RHOU: variants seen among roughly 807,000 people sequenced by gnomAD.
The protein encoded by RHOU is ras homolog family member U.
In RHOU, 8 loss-of-function variants were observed where a neutral mutation model predicts 12.6. The ratio of observed to expected loss-of-function variants is 0.64; its 90% CI spans 0.37 to 1.15. RHOU has a LOEUF of 1.15. Ranked by LOEUF, RHOU falls within the 50% of genes most tolerant of loss-of-function variation. The probability of loss-of-function intolerance (pLI) is 0.01; values close to 1 mark genes in which losing one functional copy is unlikely to be tolerated. For missense variants in RHOU, 258 were observed against 347.0 expected, an observed-to-expected ratio of 0.74 and a Z score of 2.04; for synonymous variants, 161 against 147.4, an observed-to-expected ratio of 1.09 and a Z score of -0.67.
the RHOU span, among the ~76,000 whole-genome samples, chr1:228,648,696 C>G: frequency 3.3e-5 from 5 of 152,132 alleles, no homozygotes; most frequent in Non-Finnish European, 5.9e-5. Flanking sequence ...GGCAATTTCA[C>G]ATGCTTTTAC....
the RHOU span, among the ~76,000 whole-genome samples, chr1:228,711,000 A>T: frequency 1.1e-3 from 169 of 152,250 alleles, no homozygotes; most frequent in East Asian, 0.026. Context: ...AATCACAAGC[A>T]TTCTTATACA....
the RHOU span, among the ~76,000 whole-genome samples, chr1:228,678,106 G>A: frequency 6.6e-6 from 1 of 152,100 alleles, no homozygotes; most frequent in Non-Finnish European, 1.5e-5. Context: ...GGAAGAGAGG[G>A]GGCCTGAACA....
chr1:228,706,655 C>T, the RHOU span, among the ~76,000 whole-genome samples: 9 of 152,206 alleles, frequency 5.9e-5, no homozygotes, highest in African/African-American at 2.2e-4. Context: ...CATTATTTTA[C>T]GTGTTTTTTG....
chr1:228,651,842 G>A, the RHOU span, among the ~76,000 whole-genome samples: 5 of 152,186 alleles, frequency 3.3e-5, no homozygotes, highest in Non-Finnish European at 5.9e-5. Context: ...CAGGAAATAA[G>A]CTGATCACCA....
upstream of RHOU, among the ~76,000 whole-genome samples, chr1:228,733,289 C>T (rs143218370): frequency 4.8e-4 from 73 of 152,308 alleles, no homozygotes; most frequent in Non-Finnish European, 9.4e-4. Flanking sequence ...ACCAAACCTT[C>T]TCTAACAATG....
chr1:228,723,685 C>A, the RHOU span, among the ~76,000 whole-genome samples: 727 of 152,348 alleles, frequency 4.8e-3, 8 homozygotes, highest in African/African-American at 0.017. Flanking sequence ...GTCTTTGGAG[C>A]TGCCGTAAAA....
chr1:228,736,121 C>T, intron 1 of RHOU, 117 bp downstream of exon 1: 2 of 1,046,632 alleles, frequency 1.9e-6, no homozygotes, highest in South Asian at 3.4e-5. Context: ...GGGCGCGGCT[C>T]CAGCTGGGAA....
chr1:228,726,029 T>C, the RHOU span, among the ~76,000 whole-genome samples: 1 of 152,206 alleles, frequency 6.6e-6, no homozygotes, highest in African/African-American at 2.4e-5. Context: ...GGAGGAGTTT[T>C]AAAAACTTTT....
At chr1:228,687,764 A>G in the RHOU span, 2 of 1,389,762 alleles carry the variant, frequency 1.4e-6, no homozygotes, top group Admixed American at 3.3e-5. Flanking sequence ...GAGCGCCCGA[A>G]TCTGGCTCGG....
the RHOU span, among the ~76,000 whole-genome samples, chr1:228,674,139 AT>A: frequency 1.3e-5 from 2 of 152,176 alleles, no homozygotes; most frequent in Non-Finnish European, 2.9e-5. Context: ...GTTCCTTTTC[AT>A]GCATGCATTG....
chr1:228,647,277 G>C, the RHOU span, among the ~76,000 whole-genome samples: 1 of 152,176 alleles, frequency 6.6e-6, no homozygotes, highest in Admixed American at 6.5e-5. Context: ...GCACCTCACT[G>C]TGCTCTTGGT....
rs1413587153 is a variant in RHOU, at chr1:228,738,975, T to G, written c.321+1244T>G. On this transcript the variant is annotated intron_variant, in intron 2 of 2. Coordinates refer to ENST00000366691, the MANE Select transcript of RHOU (RefSeq NM_021205.6). This position sits in a 1 kb window ranked among gnomAD's most constrained non-coding sequence, Gnocchi z 4.2. ...CTACAAAATAAAAAAATTAGCCTGG[T>G]GTGGTGGCACTGTCTGTAGTCCCAG... Among the ~76,000 whole-genome samples, 1 of 151,862 alleles carries G rather than the reference T, an allele frequency of 6.6e-6. No individual in the cohort carries two copies. Among genetic ancestry groups the G allele is most frequent in the East Asian group, 1.9e-4 (1 of 5,164 alleles).
At chr1:228,681,172 A>G in the RHOU span, among the ~76,000 whole-genome samples, 4 of 152,200 alleles carry the variant, frequency 2.6e-5, no homozygotes, top group African/African-American at 9.7e-5. Context: ...TTTGGTAGAG[A>G]AAAAGGCACA....
At chr1:228,687,045 G>A in the RHOU span, among the ~76,000 whole-genome samples, 1 of 152,156 alleles carries the variant, frequency 6.6e-6, no homozygotes, top group Non-Finnish European at 1.5e-5. Flanking sequence ...TGGCCGGCAA[G>A]GGAGAATTTA....
chr1:228,680,712 C>T, the RHOU span, among the ~76,000 whole-genome samples: 5 of 152,094 alleles, frequency 3.3e-5, no homozygotes, highest in African/African-American at 1.2e-4. Flanking sequence ...CCCTCTGGGT[C>T]TAGGGCGGTA....
the RHOU span, among the ~76,000 whole-genome samples, chr1:228,709,742 T>G: frequency 6.6e-6 from 1 of 150,628 alleles, no homozygotes; most frequent in Non-Finnish European, 1.5e-5. Context: ...ACATCACAAT[T>G]AAAAGAACTA....
the RHOU span, among the ~76,000 whole-genome samples, chr1:228,704,624 AT>A: frequency 4.6e-3 from 644 of 139,466 alleles, 1 homozygote; most frequent in African/African-American, 8.9e-3. Flanking sequence ...CACTCAGCTA[AT>A]TTTTTTTTTT....
chr1:228,713,017 A>G, the RHOU span, among the ~76,000 whole-genome samples: 1 of 151,390 alleles, frequency 6.6e-6, no homozygotes, highest in Admixed American at 6.6e-5. Flanking sequence ...TTTTTTAACC[A>G]GGAATGGATG....
At chr1:228,742,802 G>C (rs1662751311) in intron 2 of RHOU, among the ~76,000 whole-genome samples, 1 of 152,218 alleles carries the variant, frequency 6.6e-6, no homozygotes, top group Non-Finnish European at 1.5e-5. Flanking sequence ...GTTGGGAAAG[G>C]CAGGGCTGGA....
Sources: allele counts gnomAD v4.1 joint callset (sites outside exome capture counted in the v4.1 genomes callset), GRCh38; gene constraint gnomAD v4.1.1; non-coding constraint Gnocchi (gnomAD v3.1); transcripts MANE v1.5; gene names NCBI Gene and HGNC (gene_info 2026-07-23, HGNC 2026-07-21).